The following RSU1 variants were observed in gnomAD, a reference collection of about 807,000 sequenced individuals.
RSU1 encodes rsu-1.
Under a neutral mutation model 31.1 loss-of-function variants are expected in RSU1, and 26 were observed. The observed-to-expected ratio is 0.84, with a 90% CI of 0.61 to 1.16. The LOEUF (loss-of-function observed/expected upper bound fraction) is 1.16. RSU1 is among the 50% of genes most tolerant of loss of function. The probability of loss-of-function intolerance (pLI) is 0.00; values close to 1 mark genes in which losing one functional copy is unlikely to be tolerated. For synonymous variants in RSU1, 164 were observed against 136.3 expected (o/e 1.20, Z -1.41); for missense variants, 320 against 339.1 (o/e 0.94, Z 0.44).
intron 2 of RSU1, among the ~76,000 whole-genome samples, chr10:16,786,524 C>T (rs1346513300): frequency 6.6e-6 from 1 of 152,018 alleles, no homozygotes; most frequent in East Asian, 1.9e-4. Context: ...AAAATTCAGG[C>T]ACTAGATGTG....
intron 8 of RSU1, among the ~76,000 whole-genome samples, chr10:16,687,522 A>T (rs577174603): frequency 2.1e-4 from 32 of 152,282 alleles, no homozygotes; most frequent in Middle Eastern, 6.8e-3. Flanking sequence ...AAGGCAGAAA[A>T]AAAAATCCTT....
chr10:16,817,146 G>GA (rs1453882877), intron 1 of RSU1, 62 bp from the exon 2 acceptor site: 10 of 1,212,534 alleles, frequency 8.2e-6, no homozygotes, highest in Non-Finnish European at 9.7e-6. Flanking sequence ...GGAAAGGCAA[G>GA]AGGCCTTCGC....
chr10:16,803,067 T>C (rs771300855), intron 2 of RSU1, among the ~76,000 whole-genome samples: 1 of 152,056 alleles, frequency 6.6e-6, no homozygotes, highest in Non-Finnish European at 1.5e-5. Flanking sequence ...TGTATGCAGA[T>C]TGGAAAGGAT....
At chr10:16,726,663 G>C (rs1382444331) in intron 7 of RSU1, among the ~76,000 whole-genome samples, 1 of 152,140 alleles carries the variant, frequency 6.6e-6, no homozygotes, top group Non-Finnish European at 1.5e-5. Flanking sequence ...GAATGTTTCA[G>C]TTGGTTGAAA....
chr10:16,673,631 C>T (rs1481143098), intron 8 of RSU1, among the ~76,000 whole-genome samples: 3 of 152,180 alleles, frequency 2.0e-5, no homozygotes, highest in Admixed American at 6.5e-5. Flanking sequence ...CTGGATGTCC[C>T]TGTGTTCAAC....
At chr10:16,704,326 T>A (rs777745571) in intron 7 of RSU1, among the ~76,000 whole-genome samples, 3 of 152,176 alleles carry the variant, frequency 2.0e-5, no homozygotes, top group Non-Finnish European at 2.9e-5. Flanking sequence ...GGTGTCACAA[T>A]AATCTTGCAT....
intron 8 of RSU1, among the ~76,000 whole-genome samples, chr10:16,609,242 A>G (rs1017349177): frequency 2.6e-5 from 4 of 152,236 alleles, no homozygotes; most frequent in African/African-American, 4.8e-5. Flanking sequence ...AGAAGATTCC[A>G]TGCATCAGCA....
chr10:16,615,215 AAAAG>A (rs1363986838), intron 8 of RSU1, among the ~76,000 whole-genome samples: 1 of 152,224 alleles, frequency 6.6e-6, no homozygotes, highest in Non-Finnish European at 1.5e-5. Flanking sequence ...AGAGAAAAAA[AAAAG>A]CAGGGGTTGC....
intron 7 of RSU1, among the ~76,000 whole-genome samples, chr10:16,732,331 A>T (rs1239882715): frequency 1.3e-5 from 2 of 152,182 alleles, no homozygotes; most frequent in African/African-American, 4.8e-5. Context: ...TCCATATGTT[A>T]AAGCCCTAAG....
intron 8 of RSU1, among the ~76,000 whole-genome samples, chr10:16,694,542 C>T (rs970541386): frequency 5.9e-5 from 9 of 151,988 alleles, no homozygotes; most frequent in Admixed American, 2.0e-4. Context: ...AAACAATTTA[C>T]AAATAGAGAC....
chr10:16,612,362 A>G (rs914966274), intron 8 of RSU1, among the ~76,000 whole-genome samples: 3 of 152,210 alleles, frequency 2.0e-5, no homozygotes, highest in African/African-American at 7.2e-5. Context: ...TTTTCACTGA[A>G]TATTACACAT....
chr10:16,760,764 T>C (rs1837196981), intron 4 of RSU1, among the ~76,000 whole-genome samples: 1 of 152,128 alleles, frequency 6.6e-6, no homozygotes, highest in Non-Finnish European at 1.5e-5. Context: ...CCACTGTCAC[T>C]GTCCTAGTTC....
chr10:16,669,551 T>G (rs940052564), intron 8 of RSU1, among the ~76,000 whole-genome samples: 2 of 152,186 alleles, frequency 1.3e-5, no homozygotes, highest in African/African-American at 4.8e-5. Context: ...ACAGTGACAC[T>G]CATCTACAAA....
At chr10:16,705,798 T>C (rs1000947313) in intron 7 of RSU1, among the ~76,000 whole-genome samples, 6 of 152,112 alleles carry the variant, frequency 3.9e-5, no homozygotes, top group Non-Finnish European at 7.4e-5. Context: ...CCCCCACACA[T>C]TGTATTTATT....
chr10:16,790,814 T>G (rs1837897503), intron 2 of RSU1, among the ~76,000 whole-genome samples: 1 of 152,188 alleles, frequency 6.6e-6, no homozygotes, highest in Non-Finnish European at 1.5e-5. Flanking sequence ...ATTTGTTCTC[T>G]CTTTCTCCTG....
At chr10:16,661,421 C>T (rs1051613173) in intron 8 of RSU1, among the ~76,000 whole-genome samples, 1 of 151,940 alleles carries the variant, frequency 6.6e-6, no homozygotes, top group Non-Finnish European at 1.5e-5. Context: ...ATGCTTATCT[C>T]TACCAAATGC....
intron 7 of RSU1, among the ~76,000 whole-genome samples, chr10:16,719,162 G>A (rs746980111): frequency 8.6e-5 from 13 of 151,862 alleles, no homozygotes; most frequent in Non-Finnish European, 1.3e-4. Context: ...TAAAAAATTC[G>A]CCGAGTGTGG....
chr10:16,805,272 A>G (rs1433955252), intron 2 of RSU1, among the ~76,000 whole-genome samples: 2 of 152,182 alleles, frequency 1.3e-5, no homozygotes, highest in African/African-American at 4.8e-5. Flanking sequence ...TAACACACCA[A>G]TGCAAGATGT....
chr10:16,648,956 T>G (rs1300670504), intron 8 of RSU1, among the ~76,000 whole-genome samples: 2 of 152,158 alleles, frequency 1.3e-5, no homozygotes, highest in Non-Finnish European at 2.9e-5. Flanking sequence ...GAAAGACTTC[T>G]GTGGTATATT....
Sources: gnomAD v4.1 joint callset for allele counts (sites outside exome capture counted in the v4.1 genomes callset) on GRCh38, gnomAD v4.1.1 for gene constraint, MANE v1.5 for transcripts, NCBI Gene and HGNC (gene_info 2026-07-23, HGNC 2026-07-21) for gene names.